GFRA1: variants seen among roughly 807,000 people sequenced by gnomAD.
GFRA1 encodes GDNF family receptor alpha-1.
In GFRA1, 16 loss-of-function variants were observed where a neutral mutation model predicts 51.6. The ratio of observed to expected loss-of-function variants is 0.31; its 90% CI spans 0.21 to 0.47. The LOEUF is 0.47. Among genes scored for constraint, GFRA1 ranks in the 20% least tolerant of loss-of-function variants. GFRA1 has a pLI of 1.00. For missense variants in GFRA1, 530 were observed against 594.3 expected (o/e 0.89, Z 1.13); for synonymous variants, 270 against 241.3 (o/e 1.12, Z -1.10).
At chr10:116,208,823 T>G (rs773856162) in intron 5 of GFRA1, among the ~76,000 whole-genome samples, 41 of 152,340 alleles carry the variant, frequency 2.7e-4, no homozygotes, top group Non-Finnish European at 4.7e-4. Context: ...ACTTCATCAT[T>G]AGTAAATGAT....
intron 4 of GFRA1, among the ~76,000 whole-genome samples, chr10:116,219,880 T>C (rs982796860): frequency 5.3e-5 from 8 of 152,176 alleles, no homozygotes; most frequent in Non-Finnish European, 8.8e-5. Flanking sequence ...CCAAACACAG[T>C]TGTCTAAACA....
intron 8 of GFRA1, among the ~76,000 whole-genome samples, chr10:116,090,760 A>C (rs1206887433): frequency 6.6e-6 from 1 of 152,142 alleles, no homozygotes; most frequent in Non-Finnish European, 1.5e-5. Flanking sequence ...ATTGTATAAA[A>C]AACCAAACTC....
intron 8 of GFRA1, among the ~76,000 whole-genome samples, chr10:116,090,432 T>TAA (rs35493394): frequency 0.014 from 1,661 of 121,138 alleles, 54 homozygotes; most frequent in African/African-American, 0.04. Flanking sequence ...CCAGTTTCTT[T>TAA]AAAAAAAAAA....
chr10:116,243,958 G>A (rs1327990323), intron 4 of GFRA1, among the ~76,000 whole-genome samples: 1 of 152,186 alleles, frequency 6.6e-6, no homozygotes, highest in African/African-American at 2.4e-5. Flanking sequence ...TCCATGGAGT[G>A]AGGAATTAAC....
At chr10:116,102,832 A>G (rs1340526277) in intron 6 of GFRA1, among the ~76,000 whole-genome samples, 5 of 152,186 alleles carry the variant, frequency 3.3e-5, no homozygotes, top group Non-Finnish European at 5.9e-5. Flanking sequence ...CAGCCAGACC[A>G]TATCGACCAC....
intron 5 of GFRA1, among the ~76,000 whole-genome samples, chr10:116,147,304 A>AG (rs1206446933): frequency 6.6e-6 from 1 of 152,120 alleles, no homozygotes; most frequent in Non-Finnish European, 1.5e-5. Flanking sequence ...CTTTGGCCCT[A>AG]GGGGGAGGGG....
At chr10:116,204,047 T>C (rs1467176671) in intron 5 of GFRA1, among the ~76,000 whole-genome samples, 1 of 152,216 alleles carries the variant, frequency 6.6e-6, no homozygotes, top group African/African-American at 2.4e-5. Context: ...CTTCTACATC[T>C]GAGCAGTCAT....
intron 4 of GFRA1, among the ~76,000 whole-genome samples, chr10:116,221,705 G>A (rs1208004094): frequency 4.6e-5 from 7 of 152,122 alleles, no homozygotes; most frequent in Non-Finnish European, 1.0e-4. Flanking sequence ...GATTACAGGC[G>A]TGAATCACCG....
In GFRA1 at chr10:116,196,596, AAT is replaced by A. The variant is rs71967438; in HGVS notation, c.433+15033_433+15034del. Among the ~76,000 whole-genome samples, 43 of 13,458 alleles carry A rather than the reference AAT, an allele frequency of 3.2e-3. 2 individuals are homozygous for A. Among genetic ancestry groups the A allele is most frequent in the South Asian group, 6.4e-3 (1 of 156 alleles). 8.8% of individuals were successfully genotyped at this position (13,458 alleles called of 152,430 possible). ...ATATATAATATATAGTACTATATAT[AAT>A]ATATATATAGTACTATATATAATAT... On this transcript the variant is annotated intron_variant, in intron 5 of 10. Transcript: ENST00000355422.
chr10:116,109,195 G>C (rs958044629), intron 6 of GFRA1, among the ~76,000 whole-genome samples: 1 of 152,182 alleles, frequency 6.6e-6, no homozygotes, highest in East Asian at 1.9e-4. Context: ...TCATGGAGCA[G>C]GCCAGAGTCA....
Position 116,064,057 on chromosome 10 carries a change from T to C in GFRA1, c.*341A>G. On this transcript the variant is annotated 3_prime_UTR_variant, in exon 11 of 11. Transcript: ENST00000355422. ...GTTAAAATCATCATCATGATCATGA[T>C]GATCATCATCATGATCATGATGATC... 8.7e-6 allele frequency: 1 copy of C among 114,538 alleles called. No homozygotes were observed. Among genetic ancestry groups the C allele is most frequent in the Non-Finnish European group, 1.3e-5 (1 of 75,036 alleles). The allele number at this position is 114,538 out of a possible 1,614,324, so 7.1% of individuals were successfully genotyped here.
chr10:116,155,294 G>A (rs991366686), intron 5 of GFRA1, among the ~76,000 whole-genome samples: 1 of 152,114 alleles, frequency 6.6e-6, no homozygotes, highest in Admixed American at 6.5e-5. Context: ...TAACCTGTTA[G>A]CAATTAACAG....
At chr10:116,196,760 T>TAATATATATTA (rs1963902063) in intron 5 of GFRA1, among the ~76,000 whole-genome samples, 11 of 80,406 alleles carry the variant, frequency 1.4e-4, no homozygotes, top group African/African-American at 5.0e-4. Flanking sequence ...ATATTATATA[T>TAATATATATTA]TATATATATA....
chr10:116,269,480 C>T lies in GFRA1; in HGVS notation c.418+23G>A, dbSNP rs770561060. ...GAATTCAAGCACACAAAGGCATCAG[C>T]ATGGAAGTATAAATCTGCTTACCTG... On this transcript the variant is annotated intron_variant, in intron 4 of 10. Coordinates refer to ENST00000355422, the MANE Select transcript of GFRA1 (RefSeq NM_005264.8). 6.6e-5 allele frequency: 88 copies of T among 1,337,830 alleles called. 1 individual carries two copies. The highest frequency in any genetic ancestry group is 5.0e-5 in the Non-Finnish European group (46 of 927,946). 82.9% of individuals were successfully genotyped at this position (1,337,830 alleles called of 1,614,324 possible). A position where few individuals can be genotyped will look rare whatever the true frequency, so the allele number is the denominator to read the frequency against.
intron 5 of GFRA1, among the ~76,000 whole-genome samples, chr10:116,201,268 AT>A (rs1964308185): frequency 1.3e-5 from 2 of 152,186 alleles, no homozygotes; most frequent in Non-Finnish European, 2.9e-5. Context: ...AGTAATATAA[AT>A]GGGAAAACTC....
chr10:116,218,556 C>T (rs929610862), intron 4 of GFRA1, among the ~76,000 whole-genome samples: 1 of 152,186 alleles, frequency 6.6e-6, no homozygotes, highest in African/African-American at 2.4e-5. Flanking sequence ...CCAGAGTCCC[C>T]GCTCAGCCTC....
At chr10:116,217,736 C>G (rs193225389) in intron 4 of GFRA1, among the ~76,000 whole-genome samples, 20 of 152,252 alleles carry the variant, frequency 1.3e-4, no homozygotes, top group African/African-American at 4.8e-4. Flanking sequence ...TCTCCCCAAG[C>G]CTTGATTTTC....
At chr10:116,162,524 A>C (rs1340022288) in intron 5 of GFRA1, among the ~76,000 whole-genome samples, 1 of 152,212 alleles carries the variant, frequency 6.6e-6, no homozygotes, top group Non-Finnish European at 1.5e-5. Flanking sequence ...CTCACAGTCC[A>C]TTCCAAAGAG....
Position 116,125,280 on chromosome 10 carries a change from C to CTCT in GFRA1, c.708_710dup (p.Glu237dup). ...AATTCAAACAGTTGGGCTTCTCCCT[C>CTCT]TCTTCATAGGAGCACACAGGCACGA... On this transcript the variant is annotated inframe_insertion, in exon 6 of 11. Coordinates refer to ENST00000355422, the MANE Select transcript of GFRA1 (RefSeq NM_005264.8). 1 of 1,614,244 alleles carries CTCT rather than the reference C, an allele frequency of 6.2e-7. No individual in the cohort carries two copies. Among genetic ancestry groups the CTCT allele is most frequent in the South Asian group, 1.1e-5 (1 of 91,090 alleles).
Sources: allele counts gnomAD v4.1 joint callset (sites outside exome capture counted in the v4.1 genomes callset), GRCh38; gene constraint gnomAD v4.1.1; transcripts MANE v1.5; gene names NCBI Gene and HGNC (gene_info 2026-07-23, HGNC 2026-07-21).